The following ZBTB4 variants were observed in gnomAD, a reference collection of about 807,000 sequenced individuals.
ZBTB4 encodes zinc finger and BTB domain-containing protein 4.
Under a neutral mutation model 59.8 loss-of-function variants are expected in ZBTB4, and 14 were observed. The observed-to-expected ratio is 0.23, with a 90% CI of 0.15 to 0.37. ZBTB4 has a LOEUF of 0.37. Ranked by LOEUF, ZBTB4 falls within the 10% of genes least tolerant of loss-of-function variation. ZBTB4 has a pLI of 1.00. For synonymous variants in ZBTB4, 587 were observed against 575.2 expected, an observed-to-expected ratio of 1.02 and a Z score of -0.29; for missense variants, 1,198 against 1,380.8, an observed-to-expected ratio of 0.87 and a Z score of 2.10.
Position 7,462,562 on chromosome 17 carries a change from G to T in ZBTB4, c.2420C>A (p.Ala807Asp). 6.2e-7 allele frequency: 1 copy of T among 1,613,730 alleles called. No homozygotes were observed. Among genetic ancestry groups the T allele is most frequent in the African/African-American group, 1.3e-5 (1 of 75,074 alleles). The change falls in exon 4 of 4, where the codon GCT becomes GAT. Residue 807 changes from alanine to aspartate, a missense_variant. Coordinates refer to ENST00000380599, the MANE Select transcript of ZBTB4 (RefSeq NM_001128833.2). This position sits in a 1 kb window ranked among gnomAD's most constrained non-coding sequence, Gnocchi z 7.5. ...CTTGACATCCCCGGGCCTGGTGCCAGCGCTGCCCTTGGAATAGGCAATGAC... is the reference window on the plus strand; with the variant it reads ...CTTGACATCCCCGGGCCTGGTGCCATCGCTGCCCTTGGAATAGGCAATGAC... The part of the protein sequence containing the change: ...TPVIAYSKGS[A>D]GTRPGDVKEE...
At chr17:7,478,945 C>A (rs2070305993) in intron 1 of ZBTB4, among the ~76,000 whole-genome samples, 1 of 152,316 alleles carries the variant, frequency 6.6e-6, no homozygotes, top group East Asian at 1.9e-4. Context: ...CACAACCCTG[C>A]CCCGACGGCG....
intron 1 of ZBTB4, among the ~76,000 whole-genome samples, chr17:7,473,250 C>T (rs2070224502): frequency 6.6e-6 from 1 of 151,496 alleles, no homozygotes; most frequent in Non-Finnish European, 1.5e-5. Flanking sequence ...GTAGCTGGGA[C>T]TACAGGCACC....
intron 1 of ZBTB4, among the ~76,000 whole-genome samples, chr17:7,476,984 G>A (rs2070277141): frequency 6.6e-6 from 1 of 152,244 alleles, no homozygotes. Context: ...TACTAGCTAA[G>A]TGACTTGGGG....
In ZBTB4 at chr17:7,462,280, G is replaced by GC. The variant is rs760540715; in HGVS notation, c.2701dup (p.Ala901GlyfsTer3). 6.2e-7 allele frequency: 1 copy of GC among 1,613,718 alleles called. No individual in the cohort carries two copies. Among genetic ancestry groups the GC allele is most frequent in the Non-Finnish European group, 8.5e-7 (1 of 1,179,820 alleles). ...CCCCTCCATCCGGTCCCCCTCACCA[G>GC]CCCCCACTGGCCCTTCACTCCCAGA... On this transcript the variant is annotated frameshift_variant, in exon 4 of 4. Coordinates refer to ENST00000380599, the MANE Select transcript of ZBTB4 (RefSeq NM_001128833.2). LOFTEE classifies it high-confidence loss of function. This position sits in a 1 kb window ranked among gnomAD's most constrained non-coding sequence, Gnocchi z 7.5.
chr17:7,481,140 G>C (rs1457307825), upstream of ZBTB4, among the ~76,000 whole-genome samples: 1 of 143,912 alleles, frequency 6.9e-6, no homozygotes, highest in Non-Finnish European at 1.5e-5. Flanking sequence ...TCCAGCCTGG[G>C]CAAGAAGAGC....
At chr17:7,467,903 T>G (rs1050011555) in intron 1 of ZBTB4, among the ~76,000 whole-genome samples, 1 of 152,342 alleles carries the variant, frequency 6.6e-6, no homozygotes, top group Admixed American at 6.5e-5. Flanking sequence ...TGAAGACCAC[T>G]GACCCATACA....
At chr17:7,467,117 C>T (rs1331288401) in intron 2 of ZBTB4, 140 bp downstream of exon 2, 2 of 1,155,608 alleles carry the variant, frequency 1.7e-6, no homozygotes, top group East Asian at 3.9e-5. Flanking sequence ...AAATCTCTCT[C>T]ATGGGAAGGA....
At position 7,461,789 on chromosome 17, in the gene ZBTB4, A is replaced by G; in HGVS notation, c.*151T>C. The G allele has an allele frequency of 1.7e-6, 1 of 599,832 alleles. No individual in the cohort carries two copies. Among genetic ancestry groups the G allele is most frequent in the East Asian group, 3.0e-5 (1 of 33,846 alleles). The allele number at this position is 599,832 out of a possible 1,614,324, so 37.2% of individuals were successfully genotyped here. A position where few individuals can be genotyped will look rare whatever the true frequency, so the allele number is the denominator to read the frequency against. On this transcript the variant is annotated 3_prime_UTR_variant, in exon 4 of 4. Coordinates refer to ENST00000380599, the MANE Select transcript of ZBTB4 (RefSeq NM_001128833.2). The stretch of plus-strand genomic sequence containing the variant: ...GAGATGGGAAAACTACATCTCACAC[A>G]AAGCAGCCTGACCCCTGAGCTCCAG...
chr17:7,461,545 C>T lies in ZBTB4; in HGVS notation c.*395G>A, dbSNP rs539397385. ...GCTTAGAGAAAGCTTCAGAACAAGG[C>T]GGGTCATTAGGTGAGAGAGATGGTT... On this transcript the variant is annotated 3_prime_UTR_variant, in exon 4 of 4. Transcript: ENST00000380599. The T allele has an allele frequency of 5.8e-4, 97 of 167,110 alleles. No homozygotes were observed. The highest frequency in any genetic ancestry group is 1.1e-3 in the Non-Finnish European group (84 of 78,010). The allele number at this position is 167,110 out of a possible 1,614,324, so 10.4% of individuals were successfully genotyped here.
rs776299951 is a variant in ZBTB4, at chr17:7,463,320, C to G, written c.1662G>C (p.Thr554=). ...GTGGATTCCGGCCCTTGGCCTCCTC[C>G]GTGGTGGTGGCCATGGCTGGCCCTG... ...TAAGPAMATT[T]EEAKGRNPRA... is the part of the protein sequence containing the mutation. The change falls in exon 4 of 4, where the codon ACG becomes ACC. Residue 554 remains threonine, a synonymous_variant. Transcript: ENST00000380599. 6.2e-7 allele frequency: 1 copy of G among 1,608,812 alleles called. No individual in the cohort carries two copies. The highest frequency in any genetic ancestry group is 8.5e-7 in the Non-Finnish European group (1 of 1,177,908).
intron 1 of ZBTB4, among the ~76,000 whole-genome samples, chr17:7,479,145 T>C (rs1259250456): frequency 1.3e-5 from 2 of 150,914 alleles, no homozygotes; most frequent in African/African-American, 2.4e-5. Context: ...AGGGGGCCAT[T>C]AGGCTGCAGA....
intron 1 of ZBTB4, among the ~76,000 whole-genome samples, chr17:7,469,621 C>T (rs1279347461): frequency 2.0e-5 from 3 of 151,468 alleles, no homozygotes; most frequent in African/African-American, 7.3e-5. Flanking sequence ...AAAAATTAGC[C>T]AGGCATGGTG....
intron 1 of ZBTB4, among the ~76,000 whole-genome samples, chr17:7,471,130 C>T (rs1022887393): frequency 6.6e-6 from 1 of 152,108 alleles, no homozygotes; most frequent in Non-Finnish European, 1.5e-5. Flanking sequence ...TGGACTGGCC[C>T]TTAAGATCAC....
At chr17:7,471,115 A>G (rs1341482890) in intron 1 of ZBTB4, among the ~76,000 whole-genome samples, 1 of 152,112 alleles carries the variant, frequency 6.6e-6, no homozygotes, top group Non-Finnish European at 1.5e-5. Flanking sequence ...AGAGACACCC[A>G]ATGCTGGACT....
Position 7,466,519 on chromosome 17 carries a change from A to G in ZBTB4, c.283T>C (p.Ser95Pro), listed in dbSNP as rs1482374524. ...GAAGAAGCAGAGGAGGAAGAAGAGG[A>G]AGAAGACGAGGAAGAGGAGGAGGAG... is the stretch of plus-strand genomic sequence containing the variant. ...SSSSSSSSSS[S>P]SSSSSASSSS... The change falls in exon 3 of 4, where the codon TCC becomes CCC. Residue 95 changes from serine to proline, a missense_variant. Around this residue, in one of 9 missense-constraint regions of ZBTB4, gnomAD observed 83 missense variants for 76.5 expected, o/e 1.09. Coordinates refer to ENST00000380599, the MANE Select transcript of ZBTB4 (RefSeq NM_001128833.2). This position sits in a 1 kb window ranked among gnomAD's most constrained non-coding sequence, Gnocchi z 9.1. 3.7e-6 allele frequency: 6 copies of G among 1,610,848 alleles called. No homozygotes were observed. Among genetic ancestry groups the G allele is most frequent in the Non-Finnish European group, 5.1e-6 (6 of 1,178,714 alleles).
At position 7,463,328 on chromosome 17, in the gene ZBTB4, T is replaced by C. The variant is rs777501090; in HGVS notation, c.1654A>G (p.Thr552Ala). 4 of 1,607,566 alleles carry C rather than the reference T, an allele frequency of 2.5e-6. No homozygotes were observed. The highest frequency in any genetic ancestry group is 2.5e-6 in the Non-Finnish European group (3 of 1,177,372). ...CGGCCCTTGGCCTCCTCCGTGGTGG[T>C]GGCCATGGCTGGCCCTGCAGCGGTG... ...PATAAGPAMA[T>A]TTEEAKGRNP... Residue 552 changes from threonine to alanine, a missense_variant, in exon 4 of 4, where the codon ACC (threonine) becomes GCC (alanine). Thr to Ala is a moderately conservative substitution (Grantham distance 58). This residue lies in a region of ZBTB4 where 550 missense variants were observed against 541.8 expected (regional missense o/e 1.02). Transcript: ENST00000380599.
rs528652412 is a variant in ZBTB4 at position 7,470,644 on chromosome 17, C to T, written c.-80-3317G>A. On this transcript the variant is annotated intron_variant, in intron 1 of 3. Coordinates refer to ENST00000380599, the MANE Select transcript of ZBTB4 (RefSeq NM_001128833.2). ...CCAGGAGGCAAAGGTTGCAGTGAGC[C>T]GAGATTGCACCATTGCACTCCAGCT... 5.3e-5 allele frequency among the ~76,000 whole-genome samples: 8 copies of T among 152,170 alleles called. No homozygotes were observed. In the East Asian group the frequency reaches 1.2e-3, roughly 22 times the overall value.
At chr17:7,481,933 C>G (rs1278248614), upstream of ZBTB4, 2 of 1,543,778 alleles carry the variant, frequency 1.3e-6, no homozygotes, top group Admixed American at 4.1e-5. Flanking sequence ...CTGCCCTGCC[C>G]CAGGTCGCCT....
intron 1 of ZBTB4, among the ~76,000 whole-genome samples, chr17:7,474,220 C>CTTT (rs67462449): frequency 0.18 from 20,449 of 116,028 alleles, 2,629 homozygotes; most frequent in South Asian, 0.26. Flanking sequence ...CATGGCCAGA[C>CTTT]TTTTTTTTTT....
Sources: allele counts gnomAD v4.1 joint callset (sites outside exome capture counted in the v4.1 genomes callset), GRCh38; gene constraint gnomAD v4.1.1; regional missense constraint gnomAD v4.1.1; non-coding constraint Gnocchi (gnomAD v3.1); transcripts MANE v1.5; gene names NCBI Gene and HGNC (gene_info 2026-07-23, HGNC 2026-07-21).